Variants in CRMP1 observed in about 807,000 individuals in gnomAD.
The protein encoded by CRMP1 is collapsin response mediator protein 1, also known as dihydropyrimidinase-related protein 1.
CRMP1 carries 19 observed loss-of-function variants against 68.3 expected under a neutral mutation model. That is an observed-to-expected ratio of 0.28 (90% confidence interval 0.19 to 0.41). The LOEUF (loss-of-function observed/expected upper bound fraction) is 0.41, where lower values mean the gene tolerates loss of function less well. Among genes scored for constraint, CRMP1 ranks in the 10% least tolerant of loss-of-function variants. The pLI, the probability that CRMP1 is intolerant of heterozygous loss-of-function variation, is 1.00. For missense variants in CRMP1, 791 were observed against 967.4 expected (o/e 0.82, Z 2.42); for synonymous variants, 439 against 399.6 (o/e 1.10, Z -1.18).
chr4:5,857,340 C>T (rs890020872), intron 3 of CRMP1, among the ~76,000 whole-genome samples: 3 of 151,826 alleles, frequency 2.0e-5, no homozygotes, highest in African/African-American at 4.8e-5. Flanking sequence ...ATCACCCCAT[C>T]GCCATCACCA....
chr4:5,845,006 T>C (rs939752922), intron 6 of CRMP1, among the ~76,000 whole-genome samples: 1 of 152,190 alleles, frequency 6.6e-6, no homozygotes, highest in African/African-American at 2.4e-5. Flanking sequence ...TGCGGTGGAA[T>C]TCTACACACC....
In CRMP1 at chr4:5,825,452, C is replaced by T; in HGVS notation, c.1969+42G>A. On this transcript the variant is annotated intron_variant, in intron 13 of 13. Coordinates refer to ENST00000324989, the MANE Select transcript of CRMP1 (RefSeq NM_001014809.3). The surrounding 1 kb of genome is among the most constrained non-coding windows in gnomAD (Gnocchi z 4.4). ...AGCAGCAGGAAGGACTCGGCCTGAA[C>T]TGCTGCAATTGTGGGGAGCCTGGGC... is the stretch of plus-strand genomic sequence containing the variant. 6.5e-7 allele frequency: 1 copy of T among 1,529,688 alleles called. No individual in the cohort carries two copies. Among genetic ancestry groups the T allele is most frequent in the African/African-American group, 1.4e-5 (1 of 70,822 alleles). The allele number at this position is 1,529,688 out of a possible 1,614,324, so 94.8% of individuals were successfully genotyped here.
Position 5,881,778 on chromosome 4 carries a change from G to C in CRMP1, c.381+10811C>G, listed in dbSNP as rs3821939. 7.2e-5 allele frequency among the ~76,000 whole-genome samples: 11 copies of C among 152,134 alleles called. No homozygotes were observed. The highest frequency in any genetic ancestry group is 2.6e-4 in the Admixed American group (4 of 15,286). ...GCTGATCAAAATTTAGCCACACATC[G>C]GCAGAGAATTTTTTTGAGTACACCA... On this transcript the variant is annotated intron_variant, in intron 1 of 13. Coordinates refer to ENST00000324989, the MANE Select transcript of CRMP1 (RefSeq NM_001014809.3). This position sits in a 1 kb window ranked among gnomAD's most constrained non-coding sequence, Gnocchi z 4.6.
At chr4:5,887,865 C>A in intron 1 of CRMP1, 1 of 984,702 alleles carries the variant, frequency 1.0e-6, no homozygotes, top group African/African-American at 1.7e-5. Context: ...ACCCTCCCAC[C>A]CCCGCGCGAG....
chr4:5,822,896 A>G (rs1014784965), intron 13 of CRMP1, among the ~76,000 whole-genome samples: 1 of 152,252 alleles, frequency 6.6e-6, no homozygotes, highest in African/African-American at 2.4e-5. Context: ...CCTCTTCGGC[A>G]CACAGCACAA....
intron 1 of CRMP1, among the ~76,000 whole-genome samples, chr4:5,875,087 G>T (rs1714717431): frequency 6.6e-6 from 1 of 152,214 alleles, no homozygotes; most frequent in Non-Finnish European, 1.5e-5. Context: ...GACATTGGCA[G>T]GACGCTTTTG....
At chr4:5,828,961 TTGAC>T (rs1046770418) in intron 11 of CRMP1, among the ~76,000 whole-genome samples, 2 of 152,170 alleles carry the variant, frequency 1.3e-5, no homozygotes, top group Non-Finnish European at 2.9e-5. Context: ...TGTGGCTGCT[TTGAC>T]TGTACTGGAC....
intron 12 of CRMP1, chr4:5,826,028 A>T (rs1328276203): frequency 3.3e-6 from 1 of 306,604 alleles, no homozygotes; most frequent in African/African-American, 2.3e-5. Flanking sequence ...CTTAAATCAC[A>T]TACAGATCTT....
In CRMP1 at chr4:5,866,456, G is replaced by A. The variant is rs1042099477; in HGVS notation, c.470+212C>T. On this transcript the variant is annotated intron_variant, in intron 2 of 13. Coordinates refer to ENST00000324989, the MANE Select transcript of CRMP1 (RefSeq NM_001014809.3). This position sits in a 1 kb window ranked among gnomAD's most constrained non-coding sequence, Gnocchi z 5.9. ...AGAGAGGAGCTGCCTCAGCCGTGTGGCAGGGAGCCTAGCCCGGGGGGGCAC... is the reference window on the plus strand; with the variant it reads ...AGAGAGGAGCTGCCTCAGCCGTGTGACAGGGAGCCTAGCCCGGGGGGGCAC... 3.3e-5 allele frequency among the ~76,000 whole-genome samples: 5 copies of A among 152,206 alleles called. No individual in the cohort carries two copies. Among genetic ancestry groups the A allele is most frequent in the Non-Finnish European group, 7.3e-5 (5 of 68,036 alleles).
In CRMP1 at chr4:5,888,450, G is replaced by T; in HGVS notation, c.381+4139C>A. 8.2e-7 allele frequency: 1 copy of T among 1,213,752 alleles called. No individual in the cohort carries two copies. The highest frequency in any genetic ancestry group is 3.3e-5 in the East Asian group (1 of 30,152). The allele number at this position is 1,213,752 out of a possible 1,614,324, so 75.2% of individuals were successfully genotyped here. A position where few individuals can be genotyped will look rare whatever the true frequency, so the allele number is the denominator to read the frequency against. The stretch of plus-strand genomic sequence containing the variant: ...GCCCCGGCTGCTCGGCCCGCCCGCC[G>T]CCGCTCCGGCTGCCAGCACCGCCCG... On this transcript the variant is annotated intron_variant, in intron 1 of 13. Coordinates refer to ENST00000324989, the MANE Select transcript of CRMP1 (RefSeq NM_001014809.3). This position sits in a 1 kb window ranked among gnomAD's most constrained non-coding sequence, Gnocchi z 6.4.
intron 1 of CRMP1, among the ~76,000 whole-genome samples, chr4:5,868,290 T>TATATATATATATATATAG (rs1205965019): frequency 3.0e-5 from 4 of 131,372 alleles, no homozygotes; most frequent in African/African-American, 9.8e-5. Context: ...TATATATATA[T>TATATATATATATATATAG]ATATATATAT....
At chr4:5,824,104 C>T (rs373781095) in intron 13 of CRMP1, among the ~76,000 whole-genome samples, 2 of 152,164 alleles carry the variant, frequency 1.3e-5, no homozygotes, top group African/African-American at 4.8e-5. Context: ...TATTCTTGTT[C>T]TAAGAACAAC....
rs1185252443 is a variant in CRMP1 at position 5,866,394 on chromosome 4, C to T, written c.470+274G>A. 6.6e-6 allele frequency among the ~76,000 whole-genome samples: 1 copy of T among 152,228 alleles called. No homozygotes were observed. Among genetic ancestry groups the T allele is most frequent in the Non-Finnish European group, 1.5e-5 (1 of 68,038 alleles). On this transcript the variant is annotated intron_variant, in intron 2 of 13. Transcript: ENST00000324989. This position sits in a 1 kb window ranked among gnomAD's most constrained non-coding sequence, Gnocchi z 5.9. Reference sequence around the variant, plus strand: ...GCCTCCAAAACCACAAAACAGGAAACGTGTCTGCATTTTGCAGCCTTTGTG... The same window carrying T: ...GCCTCCAAAACCACAAAACAGGAAATGTGTCTGCATTTTGCAGCCTTTGTG...
intron 9 of CRMP1, among the ~76,000 whole-genome samples, chr4:5,837,674 A>AAATT (rs1720817794): frequency 1.0e-5 from 1 of 96,002 alleles, no homozygotes; most frequent in South Asian, 3.3e-4. Flanking sequence ...AAAATAAAAT[A>AAATT]AAATAAATAA....
intron 1 of CRMP1, among the ~76,000 whole-genome samples, chr4:5,871,814 G>A (rs978154405): frequency 6.6e-6 from 1 of 152,190 alleles, no homozygotes; most frequent in Non-Finnish European, 1.5e-5. Flanking sequence ...CCAAACTCAG[G>A]TCCCTTTGTG....
rs545571394 is a variant in CRMP1, at chr4:5,858,871, G to A, written c.655+2155C>T. Among the ~76,000 whole-genome samples, 22 of 152,230 alleles carry A rather than the reference G, an allele frequency of 1.4e-4. No homozygotes were observed. The highest frequency in any genetic ancestry group is 7.2e-4 in the Admixed American group (11 of 15,300). On this transcript the variant is annotated intron_variant, in intron 3 of 13. Coordinates refer to ENST00000324989, the MANE Select transcript of CRMP1 (RefSeq NM_001014809.3). This position sits in a 1 kb window ranked among gnomAD's most constrained non-coding sequence, Gnocchi z 5.5. ...GGCCTCCCTGCAGTCTCTGGAATGG[G>A]AGGTGTGTTCTCACCTCAGGGCCTT...
intron 11 of CRMP1, among the ~76,000 whole-genome samples, chr4:5,829,627 G>A (rs758971025): frequency 4.4e-4 from 67 of 152,148 alleles, no homozygotes; most frequent in Non-Finnish European, 8.2e-4. Context: ...AAGTATGTCC[G>A]AGGCATGAAT....
intron 13 of CRMP1, chr4:5,824,465 T>A (rs1719209368): frequency 1.0e-6 from 1 of 985,200 alleles, no homozygotes; most frequent in Non-Finnish European, 1.2e-6. Flanking sequence ...CACCACACAA[T>A]CTGAATTCAC....
intron 11 of CRMP1, among the ~76,000 whole-genome samples, chr4:5,835,678 CAGAGAGAGAGGAGAGGAAG>C (rs2152457994): frequency 6.6e-6 from 1 of 152,074 alleles, no homozygotes; most frequent in South Asian, 2.1e-4. Context: ...AGCAAAGAGA[CAGAGAGAGAGGAGAGGAAG>C]AGAGAGAGAG....
Sources: allele counts gnomAD v4.1 joint callset (sites outside exome capture counted in the v4.1 genomes callset), GRCh38; gene constraint gnomAD v4.1.1; non-coding constraint Gnocchi (gnomAD v3.1); transcripts MANE v1.5; gene names NCBI Gene and HGNC (gene_info 2026-07-23, HGNC 2026-07-21).